The following LSM14A variants were observed in gnomAD, a reference collection of about 807,000 sequenced individuals.
LSM14A encodes the protein protein LSM14 homolog A.
LSM14A carries 14 observed loss-of-function variants against 52.4 expected under a neutral mutation model. The observed-to-expected ratio is 0.27, with a 90% CI of 0.18 to 0.42. LSM14A has a LOEUF of 0.42. Ranked by LOEUF, LSM14A falls within the 10% of genes least tolerant of loss-of-function variation. The pLI, the probability that LSM14A is intolerant of heterozygous loss-of-function variation, is 1.00. For missense variants in LSM14A, 417 were observed against 581.8 expected (o/e 0.72, Z 2.91); for synonymous variants, 185 against 200.3 (o/e 0.92, Z 0.64).
At chr19:34,225,162 G>A (rs1420876366) in intron 9 of LSM14A, among the ~76,000 whole-genome samples, 2 of 152,070 alleles carry the variant, frequency 1.3e-5, no homozygotes, top group African/African-American at 2.4e-5. Flanking sequence ...AGCCATAGTG[G>A]GCTTGAAGTA....
chr19:34,205,089 G>A (rs536420015), intron 3 of LSM14A, among the ~76,000 whole-genome samples: 7 of 151,448 alleles, frequency 4.6e-5, no homozygotes, highest in East Asian at 3.9e-4. Flanking sequence ...CCAAGATGAC[G>A]TCACTACACT....
chr19:34,211,101 G>A (rs1046928933), intron 4 of LSM14A, among the ~76,000 whole-genome samples: 1 of 151,620 alleles, frequency 6.6e-6, no homozygotes. Flanking sequence ...TCAGGGGTTC[G>A]AGACCAGCCT....
chr19:34,222,017 A>C (rs751530078), intron 9 of LSM14A: 2 of 195,766 alleles, frequency 1.0e-5, no homozygotes, highest in African/African-American at 2.4e-5. Flanking sequence ...TGGAAGGGCA[A>C]GCTTTAACAT....
intron 1 of LSM14A, among the ~76,000 whole-genome samples, chr19:34,186,392 A>T (rs1191502698): frequency 3.9e-5 from 6 of 152,218 alleles, no homozygotes; most frequent in Non-Finnish European, 8.8e-5. Context: ...GATTGTGAGT[A>T]GCCTCCATCT....
rs1269670787 is a variant in LSM14A at position 34,209,144 on chromosome 19, G to T, written c.538+93G>T. The T allele has an allele frequency of 7.2e-6, 8 of 1,103,786 alleles. No homozygotes were observed. The East Asian group carries it at 1.8e-4, about 24-fold the overall frequency. The allele number at this position is 1,103,786 out of a possible 1,614,324, so 68.4% of individuals were successfully genotyped here. ...TAAGAGCTTTTGCAGCTTGTAAATC[G>T]CGTGTATAATTTCTATTTGGCTCTT... On this transcript the variant is annotated intron_variant, in intron 4 of 9. Coordinates refer to ENST00000544216, the MANE Select transcript of LSM14A (RefSeq NM_015578.4).
chr19:34,194,371 C>T, intron 1 of LSM14A, 107 bp from the exon 2 acceptor site: 8 of 1,023,432 alleles, frequency 7.8e-6, no homozygotes, highest in Non-Finnish European at 1.2e-5. Context: ...CTTTCTCAGA[C>T]ATTTCAGAAC....
At chr19:34,177,050 G>A (rs2069136645) in intron 1 of LSM14A, among the ~76,000 whole-genome samples, 1 of 152,138 alleles carries the variant, frequency 6.6e-6, no homozygotes, top group African/African-American at 2.4e-5. Context: ...ATATCTGGGT[G>A]TTTGGATTTC....
At chr19:34,208,748 A>G (rs2071897782) in intron 3 of LSM14A, 181 bp from the exon 4 acceptor site, 5 of 506,714 alleles carry the variant, frequency 9.9e-6, no homozygotes, top group Admixed American at 3.3e-5. Flanking sequence ...CCTGCCCTCC[A>G]TATTGCCATA....
At chr19:34,218,612 C>T (rs2072846141) in intron 6 of LSM14A, among the ~76,000 whole-genome samples, 1 of 152,170 alleles carries the variant, frequency 6.6e-6, no homozygotes. Flanking sequence ...CAGTTAACAT[C>T]AAATATTCTT....
intron 1 of LSM14A, among the ~76,000 whole-genome samples, chr19:34,178,739 C>T (rs2069258054): frequency 6.6e-6 from 1 of 152,210 alleles, no homozygotes; most frequent in Non-Finnish European, 1.5e-5. Flanking sequence ...TCCATGTTCA[C>T]AATTGCATTT....
At chr19:34,216,384 G>C (rs373045829) in intron 6 of LSM14A, among the ~76,000 whole-genome samples, 5 of 151,298 alleles carry the variant, frequency 3.3e-5, no homozygotes, top group African/African-American at 1.2e-4. Context: ...CTGCACTCCA[G>C]CCTAGGCGAC....
rs1424317802 is a variant in LSM14A, at chr19:34,213,194, TA to T, written c.539-1926del. Among the ~76,000 whole-genome samples, 4 of 151,906 alleles carry T rather than the reference TA, an allele frequency of 2.6e-5. No homozygotes were observed. In the South Asian group the frequency reaches 8.3e-4, roughly 31 times the overall value. On this transcript the variant is annotated intron_variant, in intron 4 of 9. Transcript: ENST00000544216. ...ACAAAATGTGTTTTATAAGTGATTA[TA>T]AAATGTTTTTTTCATAGGCCAAAAC...
At position 34,196,569 on chromosome 19, in the gene LSM14A, AT is replaced by A. The variant is rs895951495; in HGVS notation, c.286-55del. On this transcript the variant is annotated intron_variant, in intron 2 of 9. Coordinates refer to ENST00000544216, the MANE Select transcript of LSM14A (RefSeq NM_015578.4). ...GTTTTCTTAAAAGTAAAAATCTGGA[AT>A]TTTTTTTTTCGTTATATACATGTTG... 7.7e-4 allele frequency: 1,066 copies of A among 1,387,640 alleles called. 6 individuals carry two copies. Among genetic ancestry groups the A allele is most frequent in the African/African-American group, 4.8e-3 (323 of 67,204 alleles). The allele number at this position is 1,387,640 out of a possible 1,614,324, so 86.0% of individuals were successfully genotyped here. A position where few individuals can be genotyped will look rare whatever the true frequency, so the allele number is the denominator to read the frequency against.
At chr19:34,177,140 A>G (rs557477498) in intron 1 of LSM14A, among the ~76,000 whole-genome samples, 61 of 152,218 alleles carry the variant, frequency 4.0e-4, no homozygotes, top group Non-Finnish European at 7.6e-4. Context: ...TATTCTGAAT[A>G]TATCTCCATT....
intron 3 of LSM14A, among the ~76,000 whole-genome samples, chr19:34,207,554 CAG>C (rs1192237254): frequency 4.9e-5 from 7 of 143,738 alleles, no homozygotes; most frequent in African/African-American, 1.8e-4. Flanking sequence ...TTTTTTGAGA[CAG>C]AGTCTCACTC....
At chr19:34,204,568 AAGT>A (rs2071542504) in intron 3 of LSM14A, among the ~76,000 whole-genome samples, 1 of 147,696 alleles carries the variant, frequency 6.8e-6, no homozygotes, top group African/African-American at 2.5e-5. Flanking sequence ...AAAAAAATTT[AAGT>A]AGCTGGGTGT....
Position 34,207,269 on chromosome 19 carries a change from A to C in LSM14A, c.416-1660A>C, listed in dbSNP as rs151161335. On this transcript the variant is annotated intron_variant, in intron 3 of 9. Coordinates refer to ENST00000544216, the MANE Select transcript of LSM14A (RefSeq NM_015578.4). ...AATGGGAGGCCAAGCCAGGTGAGGA[A>C]ACACAGAGCAGCCTGGAGATGCAAA... 3.7e-3 allele frequency among the ~76,000 whole-genome samples: 561 copies of C among 152,314 alleles called. 4 individuals are homozygous for C. The highest frequency in any genetic ancestry group is 6.2e-3 in the Non-Finnish European group (422 of 68,030).
At chr19:34,182,913 C>T (rs919109030) in intron 1 of LSM14A, among the ~76,000 whole-genome samples, 4 of 151,450 alleles carry the variant, frequency 2.6e-5, no homozygotes, top group Admixed American at 6.6e-5. Context: ...TCTGACACGC[C>T]CTCCCTCCCC....
chr19:34,184,297 C>T (rs745756397), intron 1 of LSM14A, among the ~76,000 whole-genome samples: 49 of 152,186 alleles, frequency 3.2e-4, no homozygotes, highest in Non-Finnish European at 5.4e-4. Flanking sequence ...AGGTGATCCA[C>T]CTGCCTCGGC....
Sources: allele counts gnomAD v4.1 joint callset (sites outside exome capture counted in the v4.1 genomes callset), GRCh38; gene constraint gnomAD v4.1.1; transcripts MANE v1.5; gene names NCBI Gene and HGNC (gene_info 2026-07-23, HGNC 2026-07-21).